The following NEK9 variants were observed in gnomAD, a reference collection of about 807,000 sequenced individuals.
NEK9 encodes NIMA related kinase 9.
A neutral mutation model predicts 123.4 loss-of-function variants in NEK9; 75 were observed. That is an observed-to-expected ratio of 0.61 (90% CI 0.50 to 0.74). NEK9 has a LOEUF of 0.74. Ranked by LOEUF, NEK9 falls within the 30% of genes least tolerant of loss-of-function variation. The pLI is 0.00. For missense variants in NEK9, 952 were observed against 1,214.4 expected, an observed-to-expected ratio of 0.78 and a Z score of 3.21; for synonymous variants, 438 against 458.7, an observed-to-expected ratio of 0.95 and a Z score of 0.58.
chr14:75,107,935 GA>G, intron 10 of NEK9, among the ~76,000 whole-genome samples: 1 of 152,090 alleles, frequency 6.6e-6, no homozygotes, highest in South Asian at 2.1e-4. Flanking sequence ...AGGTGATGGT[GA>G]AAAAAATTCT....
rs1156920029 is a variant in NEK9, at chr14:75,082,113, A to T, written c.*2451T>A. 3.3e-5 allele frequency: 5 copies of T among 152,224 alleles called. No individual in the cohort carries two copies. Among genetic ancestry groups the T allele is most frequent in the African/African-American group, 1.2e-4 (5 of 41,466 alleles). The allele number at this position is 152,224 out of a possible 1,614,324, so 9.4% of individuals were successfully genotyped here. On this transcript the variant is annotated 3_prime_UTR_variant, in exon 22 of 22. Transcript: ENST00000238616. ...TCCATGCACAGGCTTACTGAAGCAC[A>T]GTACTGATTAAGAGCTTAAATGTTT...
chr14:75,105,840 A>G, intron 13 of NEK9, 110 bp downstream of exon 13: 17 of 843,850 alleles, frequency 2.0e-5, no homozygotes, highest in South Asian at 4.8e-5. Flanking sequence ...CAAACAGGAA[A>G]CACTTCGGAA....
intron 6 of NEK9, 59 bp from the exon 7 acceptor site, chr14:75,114,372 C>A (rs1594846799): frequency 1.2e-5 from 15 of 1,285,578 alleles, no homozygotes; most frequent in Non-Finnish European, 1.6e-5. Flanking sequence ...CTATACTCTA[C>A]TGGTAGGGGC....
chr14:75,113,360 G>A lies in NEK9; in HGVS notation c.917C>T (p.Pro306Leu). The A allele has an allele frequency of 2.5e-6, 4 of 1,613,744 alleles. No homozygotes were observed. The highest frequency in any genetic ancestry group is 3.4e-6 in the Non-Finnish European group (4 of 1,179,678). ...RPTADELLDR[P>L]LLRKRRREME... ...TTACCTCCTGCGTTTCCTGAGAAGA[G>A]GGCGATCTAGAAGTTCATCTGCAGT... The change falls in exon 8 of 22, where the codon CCT becomes CTT. Residue 306 changes from proline to leucine, a missense_variant. This residue lies in a region of NEK9 where 698 missense variants were observed against 875.6 expected (regional missense o/e 0.80). Transcript: ENST00000238616.
chr14:75,102,410 C>T (rs1894614743), intron 14 of NEK9, among the ~76,000 whole-genome samples: 3 of 152,096 alleles, frequency 2.0e-5, no homozygotes, highest in Admixed American at 6.5e-5. Context: ...TGCAGTGGCG[C>T]GGTCTCGGCT....
intron 21 of NEK9, 63 bp downstream of exon 21, chr14:75,086,955 G>T: frequency 2.0e-6 from 3 of 1,504,312 alleles, no homozygotes; most frequent in Non-Finnish European, 1.8e-6. Flanking sequence ...AGTACTTTGT[G>T]TTTTGTTTCT....
At chr14:75,106,309 A>C in intron 12 of NEK9, 193 bp downstream of exon 12, 1 of 593,532 alleles carries the variant, frequency 1.7e-6, no homozygotes. Flanking sequence ...CAATGAGCCC[A>C]GATCATGCCA....
intron 18 of NEK9, among the ~76,000 whole-genome samples, chr14:75,092,518 C>T (rs986375738): frequency 1.1e-4 from 16 of 148,894 alleles, no homozygotes; most frequent in African/African-American, 3.5e-4. Flanking sequence ...CCACCCGCCT[C>T]GGCCTCCCAA....
chr14:75,106,328 CA>C (rs1214854319), intron 12 of NEK9, 173 bp downstream of exon 12: 1 of 639,000 alleles, frequency 1.6e-6, no homozygotes, highest in Non-Finnish European at 2.6e-6. Context: ...CATTGCACTC[CA>C]GCCTGGGTGA....
chr14:75,107,434 G>A lies in NEK9; in HGVS notation c.1236C>T (p.Ala412=), dbSNP rs770976408. 65 of 1,613,468 alleles carry A rather than the reference G, an allele frequency of 4.0e-5. No homozygotes were observed. The highest frequency in any genetic ancestry group is 5.3e-5 in the Non-Finnish European group (63 of 1,179,798). The change falls in exon 11 of 22, where the codon GCC becomes GCT. Residue 412 remains alanine (A), a synonymous_variant. Transcript: ENST00000238616. ...CCACATGCTTTGGCTGTCGATAGGA[G>A]GCTTTGTCTCCATGGCCCAGCTGAC... ...LHGQLGHGDK[A]SYRQPKHVEK... is the part of the protein sequence containing the mutation.
chr14:75,105,190 C>A (rs1894728958), intron 13 of NEK9, among the ~76,000 whole-genome samples: 1 of 152,012 alleles, frequency 6.6e-6, no homozygotes. Flanking sequence ...TCTGCCACAG[C>A]CTTTCCAGGA....
At chr14:75,114,170 C>T (rs769080724) in intron 7 of NEK9, 33 bp downstream of exon 7, 11 of 1,479,400 alleles carry the variant, frequency 7.4e-6, no homozygotes, top group South Asian at 5.7e-5. Flanking sequence ...AGGGGAAATA[C>T]GAAACTGAAG....
intron 5 of NEK9, 44 bp from the exon 6 acceptor site, chr14:75,117,370 G>A: frequency 6.4e-7 from 1 of 1,570,152 alleles, no homozygotes; most frequent in Non-Finnish European, 8.6e-7. Flanking sequence ...CTTTTCTGAG[G>A]TAACTATGTT....
intron 16 of NEK9, among the ~76,000 whole-genome samples, chr14:75,099,713 C>T (rs188218980): frequency 1.4e-5 from 2 of 143,344 alleles, no homozygotes; most frequent in East Asian, 2.2e-4. Flanking sequence ...ACCTGGGAGG[C>T]GGTAGTTGCA....
At chr14:75,110,267 C>T (rs1455178233) in intron 9 of NEK9, 54 bp downstream of exon 9, 3 of 1,378,398 alleles carry the variant, frequency 2.2e-6, no homozygotes, top group East Asian at 4.6e-5. Flanking sequence ...CAAGAAAGAA[C>T]CCCCTGGTTG....
At chr14:75,100,192 A>T (rs1220567357) in intron 16 of NEK9, among the ~76,000 whole-genome samples, 4 of 147,756 alleles carry the variant, frequency 2.7e-5, no homozygotes, top group African/African-American at 1.0e-4. Flanking sequence ...CACGCCTGTA[A>T]TCTCAGCACT....
intron 6 of NEK9, chr14:75,116,343 G>T: frequency 6.3e-6 from 1 of 159,990 alleles, no homozygotes. Context: ...AGACTGAGGC[G>T]GGATGACTGC....
upstream of NEK9, chr14:75,127,114 T>G: frequency 1.9e-6 from 1 of 534,422 alleles, no homozygotes; most frequent in Non-Finnish European, 3.3e-6. Context: ...TCCTCCGCCT[T>G]TGCTTACCCT....
chr14:75,090,644 T>C (rs895879064), intron 19 of NEK9, among the ~76,000 whole-genome samples: 22 of 151,814 alleles, frequency 1.4e-4, no homozygotes, highest in Non-Finnish European at 2.5e-4. Context: ...ACAGCTCGGC[T>C]CACTTCAGCC....
Sources: allele counts gnomAD v4.1 joint callset (sites outside exome capture counted in the v4.1 genomes callset), GRCh38; gene constraint gnomAD v4.1.1; regional missense constraint gnomAD v4.1.1; transcripts MANE v1.5; gene names NCBI Gene and HGNC (gene_info 2026-07-23, HGNC 2026-07-21).